IFT52: variants seen among roughly 807,000 people sequenced by gnomAD.
The protein encoded by IFT52 is intraflagellar transport protein 52 homolog.
In IFT52, 44 loss-of-function variants were observed where a neutral mutation model predicts 54.4. The ratio of observed to expected loss-of-function variants is 0.81; its 90% CI spans 0.63 to 1.04. IFT52 has a LOEUF of 1.04. Ranked by LOEUF, IFT52 falls within the 50% of genes least tolerant of loss-of-function variation. The pLI, the probability that IFT52 is intolerant of heterozygous loss-of-function variation, is 0.00. For missense variants in IFT52, 452 were observed against 523.6 expected (o/e 0.86, Z 1.33); for synonymous variants, 181 against 185.3 (o/e 0.98, Z 0.19).
At chr20:43,637,986 C>T (rs1257751891) in intron 12 of IFT52, among the ~76,000 whole-genome samples, 1 of 152,134 alleles carries the variant, frequency 6.6e-6, no homozygotes, top group Non-Finnish European at 1.5e-5. Context: ...AGTGTGCCCA[C>T]CTTGACATGT....
intron 12 of IFT52, among the ~76,000 whole-genome samples, chr20:43,641,667 T>G (rs530073019): frequency 2.0e-5 from 3 of 151,632 alleles, no homozygotes; most frequent in South Asian, 4.2e-4. Context: ...CTAATTTTTT[T>G]GTATTTTTAG....
intron 3 of IFT52, 48 bp downstream of exon 3, chr20:43,596,570 CTGAGCTT>C: frequency 7.8e-7 from 1 of 1,276,880 alleles, no homozygotes; most frequent in Non-Finnish European, 1.1e-6. Context: ...GATTAGGAGT[CTGAGCTT>C]TGAAATACCG....
chr20:43,629,130 A>G (rs1984976246), intron 10 of IFT52, among the ~76,000 whole-genome samples: 1 of 152,218 alleles, frequency 6.6e-6, no homozygotes. Context: ...AAGGGGCAAT[A>G]TCTTTTGTAA....
chr20:43,605,831 A>G (rs1982825311), intron 6 of IFT52, among the ~76,000 whole-genome samples: 1 of 152,214 alleles, frequency 6.6e-6, no homozygotes, highest in African/African-American at 2.4e-5. Context: ...TAATTGCCCA[A>G]ATGCACATGA....
At chr20:43,607,928 C>T (rs59659676) in intron 6 of IFT52, among the ~76,000 whole-genome samples, 4,468 of 152,284 alleles carry the variant, frequency 0.029, 228 homozygotes, top group African/African-American at 0.093. Flanking sequence ...GGGGATCACT[C>T]GCGGTTAGGA....
rs537124768 is a variant in IFT52 at position 43,617,102 on chromosome 20, A to G, written c.613-1838A>G. ...CCCATGTTACTGAAAACCCTTTATA[A>G]TATGAAATTTAACTGCTGAAGAAGG... On this transcript the variant is annotated intron_variant, in intron 7 of 13. Coordinates refer to ENST00000373030, the MANE Select transcript of IFT52 (RefSeq NM_016004.5). 2.6e-5 allele frequency among the ~76,000 whole-genome samples: 4 copies of G among 152,228 alleles called. No homozygotes were observed. In the South Asian group the frequency reaches 8.3e-4, roughly 32 times the overall value.
At chr20:43,632,510 C>T (rs575086809) in intron 10 of IFT52, among the ~76,000 whole-genome samples, 89 of 152,174 alleles carry the variant, frequency 5.8e-4, no homozygotes, top group Non-Finnish European at 1.2e-3. Flanking sequence ...ATCCACCCAC[C>T]TCAGCCTCCC....
At position 43,642,942 on chromosome 20, in the gene IFT52, A is replaced by G. The variant is rs188047494; in HGVS notation, c.1266+318A>G. On this transcript the variant is annotated intron_variant, in intron 13 of 13. Coordinates refer to ENST00000373030, the MANE Select transcript of IFT52 (RefSeq NM_016004.5). ...AACACTTTGGGAGGCTGAGGTAGGC[A>G]GATCACCCGAGGTCAGGAGTTCGAG... 5.9e-5 allele frequency among the ~76,000 whole-genome samples: 9 copies of G among 151,892 alleles called. No individual in the cohort carries two copies. In the East Asian group the frequency reaches 1.6e-3, roughly 26 times the overall value.
At position 43,635,968 on chromosome 20, in the gene IFT52, C is replaced by T; in HGVS notation, c.966C>T (p.Leu322=). Residue 322 remains leucine (L), a synonymous_variant, in exon 11 of 14, where the codon CTC becomes CTT. Transcript: ENST00000373030. ...ATGTGAAACATGAACCACTCCAGCT[C>T]ATCCAGCCTCAGTTTGAGACGCCGC... ...QLNVKHEPLQ[L]IQPQFETPLP... is the part of the protein sequence containing the mutation. 1 of 1,614,208 alleles carries T rather than the reference C, an allele frequency of 6.2e-7. No homozygotes were observed. Among genetic ancestry groups the T allele is most frequent in the Non-Finnish European group, 8.5e-7 (1 of 1,180,034 alleles).
chr20:43,637,105 T>G (rs760968232), intron 11 of IFT52, 40 bp from the exon 12 acceptor site: 1 of 1,336,516 alleles, frequency 7.5e-7, no homozygotes, highest in Non-Finnish European at 1.1e-6. Context: ...CTTTACCTTA[T>G]CCTCCCTCAT....
chr20:43,633,101 T>C (rs1985283278), intron 10 of IFT52, among the ~76,000 whole-genome samples: 1 of 152,166 alleles, frequency 6.6e-6, no homozygotes, highest in Non-Finnish European at 1.5e-5. Flanking sequence ...CCCAGCACTT[T>C]GGGAGGCTGA....
chr20:43,616,182 A>G (rs1160810668), intron 7 of IFT52, among the ~76,000 whole-genome samples: 1 of 152,010 alleles, frequency 6.6e-6, no homozygotes, highest in Non-Finnish European at 1.5e-5. Context: ...TTTACTATTG[A>G]ACTGGTTTTC....
At chr20:43,608,773 T>C (rs1983182489) in intron 6 of IFT52, among the ~76,000 whole-genome samples, 1 of 152,090 alleles carries the variant, frequency 6.6e-6, no homozygotes, top group African/African-American at 2.4e-5. Context: ...CGGTCGTTGG[T>C]GGCTCGCACC....
intron 3 of IFT52, among the ~76,000 whole-genome samples, chr20:43,598,967 G>A (rs1982215431): frequency 6.6e-6 from 1 of 152,110 alleles, no homozygotes; most frequent in South Asian, 2.1e-4. Flanking sequence ...TGGGGAAGAG[G>A]TCCACTGGGG....
intron 6 of IFT52, among the ~76,000 whole-genome samples, chr20:43,607,252 G>A (rs796763851): frequency 7.4e-6 from 1 of 135,338 alleles, no homozygotes. Context: ...GCGGCTGGCC[G>A]GGCGGGGGGC....
chr20:43,607,885 C>G (rs995026373), intron 6 of IFT52, among the ~76,000 whole-genome samples: 5 of 152,232 alleles, frequency 3.3e-5, no homozygotes, highest in African/African-American at 1.2e-4. Flanking sequence ...AAGACTCCGT[C>G]TGCAATCCCG....
intron 10 of IFT52, among the ~76,000 whole-genome samples, chr20:43,635,391 A>G (rs1334684560): frequency 1.3e-5 from 2 of 151,954 alleles, no homozygotes; most frequent in Admixed American, 6.5e-5. Flanking sequence ...CTTTGGTTCA[A>G]GCGATTTTCC....
In IFT52 at chr20:43,631,174, G is replaced by A. The variant is rs1985142732; in HGVS notation, c.924-4752G>A. The stretch of plus-strand genomic sequence containing the variant: ...TCCCATCTTAACCATATGATTTGGG[G>A]AAGCTACTGTTTATCATTCCTGTAC... On this transcript the variant is annotated intron_variant, in intron 10 of 13. Coordinates refer to ENST00000373030, the MANE Select transcript of IFT52 (RefSeq NM_016004.5). Among the ~76,000 whole-genome samples the A allele has an allele frequency of 2.6e-5, 4 of 152,152 alleles. No homozygotes were observed. In the South Asian group the frequency reaches 6.2e-4, roughly 24 times the overall value.
intron 6 of IFT52, among the ~76,000 whole-genome samples, chr20:43,610,291 CAAAAAAAA>C (rs11324612): frequency 1.1e-5 from 1 of 90,030 alleles, no homozygotes; most frequent in Non-Finnish European, 2.2e-5. Context: ...GACACCAACG[CAAAAAAAA>C]AAAAAAAAAC....
Sources: gnomAD v4.1 joint callset for allele counts (sites outside exome capture counted in the v4.1 genomes callset) on GRCh38, gnomAD v4.1.1 for gene constraint, MANE v1.5 for transcripts, NCBI Gene and HGNC (gene_info 2026-07-23, HGNC 2026-07-21) for gene names.